The following KIAA0319 variants were observed in gnomAD, a reference collection of about 807,000 sequenced individuals.
The protein encoded by KIAA0319 is dyslexia-associated protein KIAA0319.
In KIAA0319, 83 loss-of-function variants were observed where a neutral mutation model predicts 108.4. The ratio of observed to expected loss-of-function variants is 0.77; its 90% confidence interval spans 0.64 to 0.92. The LOEUF (loss-of-function observed/expected upper bound fraction) is 0.92. Ranked by LOEUF, KIAA0319 falls within the 40% of genes least tolerant of loss-of-function variation. KIAA0319 has a pLI of 0.00. For synonymous variants in KIAA0319, 484 were observed against 510.4 expected (o/e 0.95, Z 0.70); for missense variants, 1,195 against 1,322.4 (o/e 0.90, Z 1.49).
intron 1 of KIAA0319, among the ~76,000 whole-genome samples, chr6:24,640,787 G>A (rs994914525): frequency 2.6e-5 from 4 of 151,652 alleles, no homozygotes; most frequent in South Asian, 2.1e-4. Flanking sequence ...CGAATAGCTG[G>A]GATGACAGGC....
intron 19 of KIAA0319, among the ~76,000 whole-genome samples, chr6:24,553,615 C>T (rs1383200136): frequency 6.6e-6 from 1 of 152,158 alleles, no homozygotes; most frequent in South Asian, 2.1e-4. Context: ...AGAAAGAGTT[C>T]TGCCTCCTAC....
chr6:24,609,206 T>C (rs1304370832), intron 1 of KIAA0319, among the ~76,000 whole-genome samples: 2 of 132,310 alleles, frequency 1.5e-5, no homozygotes, highest in Non-Finnish European at 1.5e-5. Context: ...AGGTAGAGGG[T>C]GCAGTGAGCC....
At chr6:24,589,861 T>C (rs1768184645) in intron 3 of KIAA0319, among the ~76,000 whole-genome samples, 1 of 78,260 alleles carries the variant, frequency 1.3e-5, no homozygotes, top group Admixed American at 1.7e-4. Flanking sequence ...ATTTTATCCA[T>C]TATGTATAAC....
At chr6:24,615,838 G>A (rs1003749607) in intron 1 of KIAA0319, among the ~76,000 whole-genome samples, 4 of 152,088 alleles carry the variant, frequency 2.6e-5, no homozygotes, top group African/African-American at 7.2e-5. Flanking sequence ...CTCCTACCAT[G>A]CTGCACACAG....
chr6:24,644,509 G>A (rs1172213397), intron 1 of KIAA0319, among the ~76,000 whole-genome samples: 1 of 151,136 alleles, frequency 6.6e-6, no homozygotes, highest in Admixed American at 6.6e-5. Flanking sequence ...CTTATACCTC[G>A]TTGTGCTTAA....
intron 4 of KIAA0319, among the ~76,000 whole-genome samples, chr6:24,587,043 A>T (rs1331948523): frequency 6.6e-6 from 1 of 151,866 alleles, no homozygotes; most frequent in Non-Finnish European, 1.5e-5. Flanking sequence ...GATGACTCGT[A>T]ATCCTTTATC....
intron 17 of KIAA0319, among the ~76,000 whole-genome samples, chr6:24,558,384 GAT>G (rs1762615040): frequency 6.6e-6 from 1 of 152,020 alleles, no homozygotes; most frequent in African/African-American, 2.4e-5. Flanking sequence ...TAGATAGATA[GAT>G]AGATAGATAG....
chr6:24,563,287 T>C (rs531723807), intron 16 of KIAA0319, 72 bp downstream of exon 16: 1 of 1,483,430 alleles, frequency 6.7e-7, no homozygotes, highest in South Asian at 1.4e-5. Context: ...AACAGTTTTC[T>C]ACTGGACTGG....
intron 1 of KIAA0319, among the ~76,000 whole-genome samples, chr6:24,628,951 C>T (rs1775111422): frequency 6.6e-6 from 1 of 152,144 alleles, no homozygotes; most frequent in Admixed American, 6.5e-5. Context: ...AGGTCACATT[C>T]ACAGGTATTG....
At chr6:24,548,331 GGGTCTT>G (rs1338418230) in intron 20 of KIAA0319, among the ~76,000 whole-genome samples, 1 of 152,124 alleles carries the variant, frequency 6.6e-6, no homozygotes, top group Non-Finnish European at 1.5e-5. Flanking sequence ...AATAGAGAGG[GGGTCTT>G]GCCAACAACC....
At chr6:24,625,794 A>G (rs568942173) in intron 1 of KIAA0319, among the ~76,000 whole-genome samples, 31 of 152,358 alleles carry the variant, frequency 2.0e-4, no homozygotes, top group Admixed American at 5.9e-4. Flanking sequence ...AAATTAAGAA[A>G]AGAATTCTGT....
chr6:24,573,455 A>G (rs144884845), intron 10 of KIAA0319, among the ~76,000 whole-genome samples: 33 of 152,354 alleles, frequency 2.2e-4, no homozygotes, highest in African/African-American at 7.0e-4. Context: ...ATCATGAGGC[A>G]GGTTTATAAG....
chr6:24,622,182 C>A (rs1774046801), intron 1 of KIAA0319, among the ~76,000 whole-genome samples: 1 of 152,148 alleles, frequency 6.6e-6, no homozygotes, highest in Non-Finnish European at 1.5e-5. Context: ...CACTCATGCA[C>A]TCAGATGCCA....
At position 24,576,431 on chromosome 6, in the gene KIAA0319, G is replaced by A; in HGVS notation, c.1671C>T (p.His557=). ...GGGACCACTCATAGAGGACAATCTGGTGATCGTCACTGCTCTGGTTTCCAT... is the reference window on the plus strand; with the variant it reads ...GGGACCACTCATAGAGGACAATCTGATGATCGTCACTGCTCTGGTTTCCAT... ...TLNGNQSSDD[H]QIVLYEWSLG... Residue 557 remains histidine (H), a synonymous_variant, in exon 10 of 21, where the codon CAC becomes CAT. Transcript: ENST00000378214. 8.7e-6 allele frequency: 14 copies of A among 1,614,152 alleles called. No homozygotes were observed. Among genetic ancestry groups the A allele is most frequent in the Non-Finnish European group, 1.2e-5 (14 of 1,180,018 alleles).
Position 24,596,407 on chromosome 6 carries a change from C to A in KIAA0319, c.267G>T (p.Glu89Asp). The stretch of plus-strand genomic sequence containing the variant: ...ACCTGATGGGGCCCATCTTCTTGGG[C>A]TCACAGTTCTCTTTGTGGGGGCAGC... ...LVSCPHKENC[E>D]PKKMGPIRSY... The change falls in exon 3 of 21, where the codon GAG becomes GAT. Residue 89 changes from glutamate (E) to aspartate (D), a missense_variant. Physicochemically the swap from Glu to Asp is conservative, Grantham distance 45 (BLOSUM62 2). Transcript: ENST00000378214. 1 of 1,614,214 alleles carries A rather than the reference C, an allele frequency of 6.2e-7. No homozygotes were observed. The highest frequency in any genetic ancestry group is 8.5e-7 in the Non-Finnish European group (1 of 1,180,044).
chr6:24,588,452 A>G, intron 4 of KIAA0319, 141 bp downstream of exon 4: 1 of 700,038 alleles, frequency 1.4e-6, no homozygotes, highest in Non-Finnish European at 2.5e-6. Flanking sequence ...TTTTATTCCC[A>G]GTATGCAGCA....
At chr6:24,633,170 G>A (rs1775789291) in intron 1 of KIAA0319, among the ~76,000 whole-genome samples, 1 of 152,146 alleles carries the variant, frequency 6.6e-6, no homozygotes, top group Admixed American at 6.5e-5. Context: ...AACACTGTGA[G>A]GCTGGTGAAG....
chr6:24,581,391 G>T (rs768609364), intron 6 of KIAA0319, among the ~76,000 whole-genome samples: 1 of 152,196 alleles, frequency 6.6e-6, no homozygotes, highest in African/African-American at 2.4e-5. Context: ...TGACATGAGG[G>T]TGATGCAAGT....
chr6:24,601,375 A>G (rs1049008238), intron 1 of KIAA0319, 167 bp from the exon 2 acceptor site: 1 of 937,274 alleles, frequency 1.1e-6, no homozygotes, highest in African/African-American at 1.8e-5. Context: ...TCAAATAGCC[A>G]GTATAGTTCC....
Sources: allele counts gnomAD v4.1 joint callset (sites outside exome capture counted in the v4.1 genomes callset), GRCh38; gene constraint gnomAD v4.1.1; transcripts MANE v1.5; gene names NCBI Gene and HGNC (gene_info 2026-07-23, HGNC 2026-07-21).